PPP2R2B: variants seen among roughly 807,000 people sequenced by gnomAD.
The protein encoded by PPP2R2B is serine/threonine-protein phosphatase 2A 55 kDa regulatory subunit B beta isoform.
In PPP2R2B, 5 loss-of-function variants were observed where a neutral mutation model predicts 46.0. The observed-to-expected ratio is 0.11, with a 90% CI of 0.06 to 0.23. The LOEUF is 0.23. Ranked by LOEUF, PPP2R2B falls within the 10% of genes least tolerant of loss-of-function variation. The probability of loss-of-function intolerance (pLI) is 1.00; values close to 1 mark genes in which losing one functional copy is unlikely to be tolerated. For synonymous variants in PPP2R2B, 215 were observed against 206.7 expected (o/e 1.04, Z -0.34); for missense variants, 367 against 575.0 (o/e 0.64, Z 3.70).
intron 7 of PPP2R2B, among the ~76,000 whole-genome samples, chr5:146,609,378 C>T (rs946405392): frequency 2.0e-5 from 3 of 152,202 alleles, no homozygotes; most frequent in African/African-American, 4.8e-5. Flanking sequence ...GAAGAAAAGG[C>T]ATCCAAATTG....
intron 2 of PPP2R2B, among the ~76,000 whole-genome samples, chr5:146,787,776 C>T (rs1755936387): frequency 6.6e-6 from 1 of 152,176 alleles, no homozygotes; most frequent in Admixed American, 6.5e-5. Context: ...CCATGTTGGT[C>T]AGGCTAGTCT....
chr5:146,688,252 A>G (rs564635204), intron 5 of PPP2R2B, among the ~76,000 whole-genome samples: 3 of 152,284 alleles, frequency 2.0e-5, no homozygotes, highest in African/African-American at 7.2e-5. Flanking sequence ...CCTCCAAAAT[A>G]TAACAGAGGT....
chr5:146,873,408 T>G (rs1299746524), intron 2 of PPP2R2B, among the ~76,000 whole-genome samples: 1 of 152,204 alleles, frequency 6.6e-6, no homozygotes, highest in Admixed American at 6.5e-5. Context: ...ACAAATCTGA[T>G]CATGTTTCCC....
At position 146,963,326 on chromosome 5, in the gene PPP2R2B, C is replaced by G. The variant is rs573423930; in HGVS notation, c.79+92339G>C. Among the ~76,000 whole-genome samples, 6 of 152,288 alleles carry G rather than the reference C, an allele frequency of 3.9e-5. No individual in the cohort carries two copies. In the South Asian group the frequency reaches 1.2e-3, roughly 32 times the overall value. On this transcript the variant is annotated intron_variant, in intron 1 of 8. Transcript: ENST00000336640. ...ATTTCATGTGAAAATTCCTCCCAAA[C>G]ATTTTTATTCTCAGAGTTCCTCTTC...
intron 5 of PPP2R2B, among the ~76,000 whole-genome samples, chr5:146,665,139 GC>G (rs1397709740): frequency 1.3e-5 from 2 of 152,156 alleles, no homozygotes; most frequent in African/African-American, 2.4e-5. Flanking sequence ...AGCTGCATTA[GC>G]CCCTACTGAA....
At chr5:147,051,498 G>T (rs920724169) in intron 1 of PPP2R2B, among the ~76,000 whole-genome samples, 1 of 152,142 alleles carries the variant, frequency 6.6e-6, no homozygotes, top group Non-Finnish European at 1.5e-5. Context: ...TTCCTAGAAA[G>T]ACTTGACTCA....
chr5:146,830,899 AATGTGTG>A (rs1409344779), intron 2 of PPP2R2B, among the ~76,000 whole-genome samples: 4 of 152,220 alleles, frequency 2.6e-5, no homozygotes, highest in African/African-American at 9.6e-5. Flanking sequence ...ATGATGAACC[AATGTGTG>A]ATGGTGGTCC....
In PPP2R2B at chr5:146,903,905, C is replaced by T. The variant is rs527912576; in HGVS notation, c.79+151760G>A. ...CAAAATGCTTAAGCCAGAGTTGGCA[C>T]ACAGTACCAAATGGTGCCAAATGAT... On this transcript the variant is annotated intron_variant, in intron 1 of 8. Transcript: ENST00000336640. 2.0e-5 allele frequency among the ~76,000 whole-genome samples: 3 copies of T among 152,288 alleles called. No individual in the cohort carries two copies. The South Asian group carries it at 6.2e-4, about 32-fold the overall frequency.
At chr5:146,707,742 G>T in intron 2 of PPP2R2B, 1 of 435,446 alleles carries the variant, frequency 2.3e-6, no homozygotes. Flanking sequence ...ATGACAAGGT[G>T]GCACTTAAAA....
At chr5:146,855,080 G>A (rs1262796421) in intron 2 of PPP2R2B, among the ~76,000 whole-genome samples, 5 of 151,998 alleles carry the variant, frequency 3.3e-5, no homozygotes, top group African/African-American at 1.2e-4. Flanking sequence ...TCTCATTAAA[G>A]TAACATCATC....
chr5:146,805,709 C>T (rs1222092738), intron 2 of PPP2R2B, among the ~76,000 whole-genome samples: 2 of 152,082 alleles, frequency 1.3e-5, no homozygotes, highest in Admixed American at 6.6e-5. Flanking sequence ...TGGTATTTTA[C>T]GTAAATGATA....
chr5:146,804,486 T>C lies in PPP2R2B; in HGVS notation c.70+73516A>G, dbSNP rs149408784. On this transcript the variant is annotated intron_variant, in intron 2 of 9. Transcript: ENST00000394411. ...TCCCCTCTAACCCTGCTCTGATCCA[T>C]TGCCTTTTAAATTGACTATATTTTC... Among the ~76,000 whole-genome samples the C allele has an allele frequency of 3.8e-3, 583 of 152,258 alleles. 3 individuals carry two copies. Among genetic ancestry groups the C allele is most frequent in the Non-Finnish European group, 6.2e-3 (420 of 68,024 alleles).
intron 2 of PPP2R2B, among the ~76,000 whole-genome samples, chr5:146,807,184 C>T (rs896463169): frequency 1.3e-5 from 2 of 152,194 alleles, no homozygotes; most frequent in African/African-American, 4.8e-5. Context: ...AATCACTGGT[C>T]TTCAAGATCT....
chr5:146,829,861 T>G (rs981260146), intron 2 of PPP2R2B, among the ~76,000 whole-genome samples: 1 of 152,306 alleles, frequency 6.6e-6, no homozygotes, highest in African/African-American at 2.4e-5. Flanking sequence ...GCAGGCAAAT[T>G]GGCTAGTAGT....
At chr5:146,878,923 C>A (rs373603528), upstream of PPP2R2B, 4 of 1,141,894 alleles carry the variant, frequency 3.5e-6, no homozygotes, top group South Asian at 7.1e-5. This position sits in a 1 kb window ranked among gnomAD's most constrained non-coding sequence, Gnocchi z 4.5. Flanking sequence ...GGGCAGCAAG[C>A]GACTAGCTTG....
intron 2 of PPP2R2B, among the ~76,000 whole-genome samples, chr5:146,783,882 G>A (rs187608636): frequency 4.6e-5 from 7 of 152,292 alleles, no homozygotes; most frequent in Admixed American, 3.3e-4. Context: ...CTTCTGCCTC[G>A]GAGAATGATG....
intron 2 of PPP2R2B, among the ~76,000 whole-genome samples, chr5:146,850,359 C>T (rs1016362911): frequency 1.3e-5 from 2 of 152,148 alleles, no homozygotes; most frequent in Non-Finnish European, 2.9e-5. Context: ...GTCACTTTCC[C>T]CAATCTTCCC....
chr5:146,912,285 A>G (rs1763215737), intron 1 of PPP2R2B, among the ~76,000 whole-genome samples: 1 of 150,832 alleles, frequency 6.6e-6, no homozygotes, highest in Non-Finnish European at 1.5e-5. Flanking sequence ...GGTACAGCAT[A>G]CCCTAAAGAG....
At chr5:147,042,133 C>A (rs987147734) in intron 1 of PPP2R2B, among the ~76,000 whole-genome samples, 3 of 152,136 alleles carry the variant, frequency 2.0e-5, no homozygotes, top group Non-Finnish European at 4.4e-5. Context: ...AGTCTTAAAG[C>A]CCCTGCACCT....
Sources: allele counts gnomAD v4.1 joint callset (sites outside exome capture counted in the v4.1 genomes callset), GRCh38; gene constraint gnomAD v4.1.1; non-coding constraint Gnocchi (gnomAD v3.1); transcripts MANE v1.5; gene names NCBI Gene and HGNC (gene_info 2026-07-23, HGNC 2026-07-21).